PDE10A: variants seen among roughly 807,000 people sequenced by gnomAD.
The protein encoded by PDE10A is phosphodiesterase 10A.
In PDE10A, 39 loss-of-function variants were observed where a neutral mutation model predicts 97.7. That is an observed-to-expected ratio of 0.40 (90% CI 0.31 to 0.52). PDE10A has a LOEUF of 0.52. PDE10A is among the 20% of genes least tolerant of loss of function. The pLI, the probability that PDE10A is intolerant of heterozygous loss-of-function variation, is 0.56. For missense variants in PDE10A, 731 were observed against 1,047.8 expected (o/e 0.70, Z 4.17); for synonymous variants, 371 against 376.8 (o/e 0.98, Z 0.18).
intron 1 of PDE10A, among the ~76,000 whole-genome samples, chr6:165,852,472 G>A (rs1780598183): frequency 1.3e-5 from 2 of 152,174 alleles, no homozygotes; most frequent in Admixed American, 1.3e-4. Context: ...TCCTTAGTAA[G>A]CTTAAGCCAT....
chr6:165,336,755 C>CAAAAA (rs776243789), intron 20 of PDE10A, among the ~76,000 whole-genome samples: 2 of 50,470 alleles, frequency 4.0e-5, no homozygotes, highest in Non-Finnish European at 8.3e-5. Flanking sequence ...GACTCCGTCT[C>CAAAAA]AAAAAAAAAA....
In PDE10A at chr6:165,418,504, G is replaced by A; in HGVS notation, c.1796+131C>T. 1 of 786,622 alleles carries A rather than the reference G, an allele frequency of 1.3e-6. No homozygotes were observed. The highest frequency in any genetic ancestry group is 2.0e-6 in the Non-Finnish European group (1 of 498,888). The allele number at this position is 786,622 out of a possible 1,614,324, so 48.7% of individuals were successfully genotyped here. On this transcript the variant is annotated intron_variant, in intron 11 of 21. Transcript: ENST00000539869. The surrounding 1 kb of genome is among the most constrained non-coding windows in gnomAD (Gnocchi z 4.8). ...CCAGAAGTACTACCTTCAGGAGGCG[G>A]GTCCTGGTGGGAATGATATCACAGT...
chr6:165,624,025 G>A (rs1197226364), intron 1 of PDE10A, among the ~76,000 whole-genome samples: 1 of 152,168 alleles, frequency 6.6e-6, no homozygotes, highest in Non-Finnish European at 1.5e-5. Flanking sequence ...TCTCCACAAG[G>A]CCAAGGCCTC....
chr6:165,393,720 A>G (rs546496), intron 15 of PDE10A, among the ~76,000 whole-genome samples: 30,438 of 152,150 alleles, frequency 0.2, 3,889 homozygotes, highest in African/African-American at 0.36. Flanking sequence ...TAGAAAATAC[A>G]CAGGCTTCAA....
chr6:165,724,405 T>C (rs1792241555), intron 1 of PDE10A, among the ~76,000 whole-genome samples: 1 of 152,182 alleles, frequency 6.6e-6, no homozygotes, highest in African/African-American at 2.4e-5. Flanking sequence ...CAAAATTAAA[T>C]TATCGCTTCT....
At chr6:165,468,242 C>T (rs573166605) in intron 3 of PDE10A, among the ~76,000 whole-genome samples, 4 of 151,646 alleles carry the variant, frequency 2.6e-5, no homozygotes, top group South Asian at 4.2e-4. Context: ...CCATGCTAGG[C>T]TAATTTTTTT....
At chr6:165,894,370 A>G (rs1224374960) in intron 1 of PDE10A, 6 of 456,132 alleles carry the variant, frequency 1.3e-5, no homozygotes, top group Non-Finnish European at 2.6e-5. Context: ...GAAGGCCTCG[A>G]CAGGCCAGAA....
intron 16 of PDE10A, among the ~76,000 whole-genome samples, chr6:165,391,246 A>AT (rs1300275519): frequency 6.6e-6 from 1 of 152,184 alleles, no homozygotes; most frequent in African/African-American, 2.4e-5. Flanking sequence ...TTTACATGTC[A>AT]TTTTGGGGAT....
At chr6:165,759,809 C>A (rs9459501) in intron 1 of PDE10A, among the ~76,000 whole-genome samples, 26,411 of 152,136 alleles carry the variant, frequency 0.17, 2,630 homozygotes, top group East Asian at 0.36. Context: ...GGCATTTGGG[C>A]TCCTGGCCTA....
intron 1 of PDE10A, among the ~76,000 whole-genome samples, chr6:165,979,906 T>C (rs936558464): frequency 1.3e-5 from 2 of 152,228 alleles, no homozygotes; most frequent in African/African-American, 4.8e-5. Context: ...TTTAAAATAA[T>C]ACACATTTTA....
intron 21 of PDE10A, 144 bp from the exon 22 acceptor site, chr6:165,333,271 G>T: frequency 1.6e-6 from 1 of 625,268 alleles, no homozygotes; most frequent in African/African-American, 1.8e-5. Flanking sequence ...AGCACGACGT[G>T]GCCAGGCAGG....
chr6:165,955,468 T>C (rs705792), intron 1 of PDE10A, among the ~76,000 whole-genome samples: 122,454 of 152,028 alleles, frequency 0.81, 49,478 homozygotes, highest in Admixed American at 0.88. Context: ...TCCGCTTTAG[T>C]CACCATGTAA....
chr6:165,786,072 C>G (rs6456015), intron 1 of PDE10A, among the ~76,000 whole-genome samples: 1 of 152,026 alleles, frequency 6.6e-6, no homozygotes, highest in Non-Finnish European at 1.5e-5. Context: ...CAGACCTGAA[C>G]GATGTATTCC....
intron 1 of PDE10A, among the ~76,000 whole-genome samples, chr6:165,860,993 C>T (rs1313476274): frequency 6.6e-6 from 1 of 152,246 alleles, no homozygotes; most frequent in East Asian, 1.9e-4. Flanking sequence ...GTCTGCCCAG[C>T]TTGCTTTTCA....
chr6:165,674,406 G>A (rs1790735858), intron 1 of PDE10A, among the ~76,000 whole-genome samples: 2 of 152,184 alleles, frequency 1.3e-5, no homozygotes, highest in South Asian at 2.1e-4. Flanking sequence ...CATCCCAGCT[G>A]CCCATGGAAG....
intron 1 of PDE10A, among the ~76,000 whole-genome samples, chr6:165,817,853 A>C (rs1779460711): frequency 6.6e-6 from 1 of 152,218 alleles, no homozygotes; most frequent in African/African-American, 2.4e-5. Context: ...ACAAGGTCCT[A>C]CGCATCCAAT....
At chr6:165,604,867 T>C (rs1787133777) in intron 1 of PDE10A, among the ~76,000 whole-genome samples, 1 of 152,248 alleles carries the variant, frequency 6.6e-6, no homozygotes, top group Non-Finnish European at 1.5e-5. Context: ...TAGCTTACTT[T>C]GAAGATTTTC....
intron 10 of PDE10A, among the ~76,000 whole-genome samples, chr6:165,425,310 A>G (rs2128234982): frequency 6.6e-6 from 1 of 152,338 alleles, no homozygotes; most frequent in Non-Finnish European, 1.5e-5. Flanking sequence ...TTTTCTATAA[A>G]TTTAGGACAA....
chr6:165,507,853 G>A (rs1781289671), intron 2 of PDE10A, among the ~76,000 whole-genome samples: 3 of 151,830 alleles, frequency 2.0e-5, no homozygotes, highest in Admixed American at 2.0e-4. Flanking sequence ...GAAATTCTGA[G>A]GCTACATACA....
Sources: allele counts gnomAD v4.1 joint callset (sites outside exome capture counted in the v4.1 genomes callset), GRCh38; gene constraint gnomAD v4.1.1; non-coding constraint Gnocchi (gnomAD v3.1); transcripts MANE v1.5; gene names NCBI Gene and HGNC (gene_info 2026-07-23, HGNC 2026-07-21).